Variants in DSCAM observed in about 807,000 individuals in gnomAD.
DSCAM encodes the protein DS cell adhesion molecule, also known as cell adhesion molecule DSCAM.
DSCAM carries 47 observed loss-of-function variants against 217.7 expected under a neutral mutation model. That is an observed-to-expected ratio of 0.22 (90% CI 0.17 to 0.28). The LOEUF (loss-of-function observed/expected upper bound fraction) is 0.28. DSCAM is among the 10% of genes least tolerant of loss of function. The probability of loss-of-function intolerance (pLI) is 1.00; values close to 1 mark genes in which losing one functional copy is unlikely to be tolerated. For synonymous variants in DSCAM, 1,056 were observed against 1,015.3 expected (o/e 1.04, Z -0.76); for missense variants, 2,080 against 2,618.3 (o/e 0.79, Z 4.49).
At chr21:40,468,638 C>T in intron 3 of DSCAM, among the ~76,000 whole-genome samples, 1 of 152,140 alleles carries the variant, frequency 6.6e-6, no homozygotes, top group African/African-American at 2.4e-5. Flanking sequence ...CCCGCCTGCA[C>T]ATTCAGCTGC....
At chr21:40,250,619 C>T (rs147349506) in intron 11 of DSCAM, among the ~76,000 whole-genome samples, 142 of 152,334 alleles carry the variant, frequency 9.3e-4, no homozygotes, top group Non-Finnish European at 1.2e-3. Flanking sequence ...CTTTCATCCC[C>T]GTCACTAATC....
intron 20 of DSCAM, among the ~76,000 whole-genome samples, chr21:40,114,729 C>A (rs917195254): frequency 6.6e-6 from 1 of 152,144 alleles, no homozygotes; most frequent in African/African-American, 2.4e-5. Context: ...AAAAAACAAA[C>A]AACCCCATCA....
At chr21:40,687,374 G>A (rs2090490727) in intron 3 of DSCAM, among the ~76,000 whole-genome samples, 1 of 152,020 alleles carries the variant, frequency 6.6e-6, no homozygotes, top group Admixed American at 6.5e-5. Flanking sequence ...GGCAGACTCA[G>A]GTCTCCGCAA....
At position 40,816,123 on chromosome 21, in the gene DSCAM, G is replaced by T. The variant is rs573465496; in HGVS notation, c.43+30496C>A. On this transcript the variant is annotated intron_variant, in intron 1 of 32. Transcript: ENST00000400454. The stretch of plus-strand genomic sequence containing the variant: ...ACAGCAAAATCAGTTTCTAAAAAGT[G>T]GGGATAACATATTCAATGTGTTTTT... Among the ~76,000 whole-genome samples the T allele has an allele frequency of 3.3e-5, 5 of 152,344 alleles. No homozygotes were observed. In the South Asian group the frequency reaches 1.0e-3, roughly 32 times the overall value.
chr21:40,627,835 T>G (rs1401653579), intron 3 of DSCAM, among the ~76,000 whole-genome samples: 1 of 152,196 alleles, frequency 6.6e-6, no homozygotes, highest in East Asian at 1.9e-4. Flanking sequence ...TTACTAACTT[T>G]AAATCAGCTG....
Position 40,191,233 on chromosome 21 carries a change from C to T in DSCAM, c.2357-1995G>A, listed in dbSNP as rs554061862. Among the ~76,000 whole-genome samples the T allele has an allele frequency of 1.6e-4, 24 of 152,298 alleles. No individual in the cohort carries two copies. The South Asian group carries it at 5.0e-3, about 32-fold the overall frequency. ...AATACTACCAGTTCCGTAGCCTGAA[C>T]ACCCACAGAAGAACCTACATTTGGG... On this transcript the variant is annotated intron_variant, in intron 11 of 32. Transcript: ENST00000400454.
chr21:40,014,185 G>C (rs1305911175), intron 32 of DSCAM, among the ~76,000 whole-genome samples: 3 of 152,300 alleles, frequency 2.0e-5, no homozygotes, highest in African/African-American at 7.2e-5. Flanking sequence ...GAGGTCAGGA[G>C]TTCAAGACCA....
intron 3 of DSCAM, among the ~76,000 whole-genome samples, chr21:40,403,294 G>A (rs1395075682): frequency 6.6e-6 from 1 of 151,276 alleles, no homozygotes; most frequent in African/African-American, 2.4e-5. Context: ...CAGGTGATTA[G>A]TAAATCTTTT....
At chr21:40,241,348 A>C (rs1357173487) in intron 11 of DSCAM, among the ~76,000 whole-genome samples, 1 of 152,238 alleles carries the variant, frequency 6.6e-6, no homozygotes, top group Non-Finnish European at 1.5e-5. Flanking sequence ...GATGCTTTTC[A>C]AAAGAAGACA....
intron 15 of DSCAM, among the ~76,000 whole-genome samples, chr21:40,175,903 A>G (rs555797495): frequency 6.6e-6 from 1 of 151,736 alleles, no homozygotes; most frequent in Non-Finnish European, 1.5e-5. Context: ...CGTTCATCTC[A>G]TACTTTCATC....
At chr21:40,687,769 C>A (rs1477513549) in intron 3 of DSCAM, among the ~76,000 whole-genome samples, 1 of 152,168 alleles carries the variant, frequency 6.6e-6, no homozygotes, top group Non-Finnish European at 1.5e-5. Context: ...AGCCTCAGGC[C>A]CTAAGCGCCT....
At chr21:40,832,976 C>A (rs2092024200) in intron 1 of DSCAM, among the ~76,000 whole-genome samples, 1 of 152,254 alleles carries the variant, frequency 6.6e-6, no homozygotes, top group South Asian at 2.1e-4. Flanking sequence ...CAAGAGCAAA[C>A]CTAAACTGTG....
chr21:40,529,694 C>T (rs1037556218), intron 3 of DSCAM, among the ~76,000 whole-genome samples: 5 of 152,066 alleles, frequency 3.3e-5, no homozygotes, highest in South Asian at 2.1e-4. Flanking sequence ...ATGTTCCAGA[C>T]GTGACTTTGA....
chr21:40,561,875 T>C (rs772248659), intron 3 of DSCAM, among the ~76,000 whole-genome samples: 2 of 152,216 alleles, frequency 1.3e-5, no homozygotes, highest in African/African-American at 4.8e-5. Context: ...TGGGGGCCCT[T>C]TGTATACACT....
chr21:40,293,926 C>G (rs2073924783), intron 10 of DSCAM, among the ~76,000 whole-genome samples: 1 of 152,130 alleles, frequency 6.6e-6, no homozygotes, highest in Admixed American at 6.6e-5. Flanking sequence ...CAACAATCAT[C>G]AAACTTTTAA....
chr21:40,141,584 C>CGA (rs1446574418), intron 18 of DSCAM, among the ~76,000 whole-genome samples: 43 of 152,202 alleles, frequency 2.8e-4, no homozygotes, highest in Non-Finnish European at 1.3e-4. Flanking sequence ...TGCCACTGCA[C>CGA]TCCAGCCTGG....
At chr21:40,086,174 A>G (rs2089529682) in intron 22 of DSCAM, among the ~76,000 whole-genome samples, 2 of 152,226 alleles carry the variant, frequency 1.3e-5, no homozygotes, top group Middle Eastern at 3.2e-3. Context: ...CCTTGGGATC[A>G]TTTTTAGATT....
chr21:40,128,101 T>C (rs2090115213), intron 19 of DSCAM, among the ~76,000 whole-genome samples: 1 of 151,522 alleles, frequency 6.6e-6, no homozygotes, highest in Admixed American at 6.6e-5. Context: ...CTCTTCTTCA[T>C]CATTGCACTT....
rs1245740318 is a variant in DSCAM, at chr21:40,830,617, T to G, written c.43+16002A>C. ...GTTCAAATCCTGCTTCCACCCCGGC[T>G]CAATGTATGCCTTCTCTAGGAAAGG... On this transcript the variant is annotated intron_variant, in intron 1 of 32. Transcript: ENST00000400454. 2.6e-5 allele frequency among the ~76,000 whole-genome samples: 4 copies of G among 152,190 alleles called. No individual in the cohort carries two copies. In the East Asian group the frequency reaches 7.7e-4, roughly 29 times the overall value.
Sources: gnomAD v4.1 joint callset for allele counts (sites outside exome capture counted in the v4.1 genomes callset) on GRCh38, gnomAD v4.1.1 for gene constraint, MANE v1.5 for transcripts, NCBI Gene and HGNC (gene_info 2026-07-23, HGNC 2026-07-21) for gene names.